Variants in SLC30A10 observed in about 807,000 individuals in gnomAD.
SLC30A10 encodes the protein calcium/manganese antiporter SLC30A10.
In SLC30A10, 8 loss-of-function variants were observed where a neutral mutation model predicts 21.7. The ratio of observed to expected loss-of-function variants is 0.37; its 90% CI spans 0.22 to 0.67. The LOEUF is 0.67. Ranked by LOEUF, SLC30A10 falls within the 30% of genes least tolerant of loss-of-function variation. The probability of loss-of-function intolerance (pLI) is 0.58; values close to 1 mark genes in which losing one functional copy is unlikely to be tolerated. For synonymous variants in SLC30A10, 272 were observed against 279.4 expected, an observed-to-expected ratio of 0.97 and a Z score of 0.26; for missense variants, 521 against 642.5, an observed-to-expected ratio of 0.81 and a Z score of 2.04.
chr1:219,936,567 A>G (rs1660048334), intron 1 of SLC30A10, among the ~76,000 whole-genome samples: 1 of 152,090 alleles, frequency 6.6e-6, no homozygotes, highest in African/African-American at 2.4e-5. Flanking sequence ...TGGGCACTTG[A>G]CCCAAGATGG....
At chr1:219,927,753 A>G in intron 1 of SLC30A10, 48 bp downstream of exon 1, 1 of 1,452,684 alleles carries the variant, frequency 6.9e-7, no homozygotes, top group South Asian at 1.4e-5. Flanking sequence ...ACCGGGTGGG[A>G]GGAGGAAGGA....
intron 1 of SLC30A10, among the ~76,000 whole-genome samples, chr1:219,935,405 G>A (rs1018466722): frequency 9.9e-5 from 15 of 152,212 alleles, no homozygotes; most frequent in Non-Finnish European, 2.1e-4. Context: ...GAAGGGGAGA[G>A]AGGGTCAAAA....
At chr1:219,952,782 T>A (rs1427127720) in intron 1 of SLC30A10, among the ~76,000 whole-genome samples, 1 of 152,224 alleles carries the variant, frequency 6.6e-6, no homozygotes, top group South Asian at 2.1e-4. Context: ...CATAGCAGCC[T>A]CTGCACATTG....
intron 1 of SLC30A10, among the ~76,000 whole-genome samples, chr1:219,954,915 A>G (rs776621431): frequency 6.6e-6 from 1 of 152,140 alleles, no homozygotes; most frequent in Non-Finnish European, 1.5e-5. Context: ...AGGCCACTGT[A>G]CAGCAAGGTT....
intron 3 of SLC30A10, among the ~76,000 whole-genome samples, chr1:219,917,527 C>T (rs995150528): frequency 1.3e-5 from 2 of 151,934 alleles, no homozygotes; most frequent in Admixed American, 6.6e-5. Flanking sequence ...CTTGCATGCC[C>T]GCATTAACTA....
chr1:219,922,195 T>G (rs1199437770), intron 2 of SLC30A10, among the ~76,000 whole-genome samples: 3,172 of 27,828 alleles, frequency 0.11, 426 homozygotes, highest in African/African-American at 0.26. Flanking sequence ...TTTTTTTTTT[T>G]TTTTTTTTTT....
rs1210514154 is a variant in SLC30A10, at chr1:219,915,029, T to A, written c.*420A>T. ...AGGGGATTGGGAAAAATACAGCTAT[T>A]GTGGTACTTTAGTTTTTTCAATGTA... On this transcript the variant is annotated 3_prime_UTR_variant, in exon 4 of 4. Transcript: ENST00000366926. 1 of 159,164 alleles carries A rather than the reference T, an allele frequency of 6.3e-6. No homozygotes were observed. Among genetic ancestry groups the A allele is most frequent in the Non-Finnish European group, 1.4e-5 (1 of 72,592 alleles). The allele number at this position is 159,164 out of a possible 1,614,324, so 9.9% of individuals were successfully genotyped here. A position where few individuals can be genotyped will look rare whatever the true frequency, so the allele number is the denominator to read the frequency against.
rs187925791 is a variant in SLC30A10, at chr1:219,912,008, C to A, written c.*3441G>T. Among the ~76,000 whole-genome samples, 2 of 152,034 alleles carry A rather than the reference C, an allele frequency of 1.3e-5. No homozygotes were observed. Among genetic ancestry groups the A allele is most frequent in the African/African-American group, 4.8e-5 (2 of 41,478 alleles). On this transcript the variant is annotated 3_prime_UTR_variant, in exon 4 of 4. Coordinates refer to ENST00000366926, the MANE Select transcript of SLC30A10 (RefSeq NM_018713.3). ...ATGTCAGTAATGCCAAGACTGAGAA[C>A]CCCTGGAGTAAGCCTCACAAAAGCT...
chr1:219,939,811 C>G (rs968223856), intron 1 of SLC30A10, among the ~76,000 whole-genome samples: 2 of 152,134 alleles, frequency 1.3e-5, no homozygotes, highest in African/African-American at 4.8e-5. Flanking sequence ...CCCAGAAGAG[C>G]CTCTTTAACC....
intron 1 of SLC30A10, among the ~76,000 whole-genome samples, chr1:219,939,510 C>T (rs544259522): frequency 6.6e-6 from 1 of 152,026 alleles, no homozygotes. Flanking sequence ...ATCGCTGCAA[C>T]CTCCACCCCC....
intron 1 of SLC30A10, among the ~76,000 whole-genome samples, chr1:219,938,086 A>G (rs1382414584): frequency 6.6e-6 from 1 of 151,814 alleles, no homozygotes; most frequent in African/African-American, 2.4e-5. Flanking sequence ...TTTTCTTTGT[A>G]GTATCTCTAT....
intron 1 of SLC30A10, among the ~76,000 whole-genome samples, chr1:219,958,407 C>CTG (rs1450113111): frequency 6.6e-6 from 1 of 152,096 alleles, no homozygotes; most frequent in African/African-American, 2.4e-5. Context: ...GAACCTCAAA[C>CTG]TAAAGGCAAC....
chr1:219,958,927 A>G (rs943952594), upstream of SLC30A10, among the ~76,000 whole-genome samples: 1 of 152,216 alleles, frequency 6.6e-6, no homozygotes, highest in Non-Finnish European at 1.5e-5. Flanking sequence ...GGAGTTGCCA[A>G]CGTAAGCGAT....
At chr1:219,926,715 G>A (rs1659834942) in intron 2 of SLC30A10, among the ~76,000 whole-genome samples, 1 of 152,030 alleles carries the variant, frequency 6.6e-6, no homozygotes, top group Non-Finnish European at 1.5e-5. Flanking sequence ...AATTAAAATG[G>A]GTTGCATGAT....
At position 219,911,747 on chromosome 1, in the gene SLC30A10, T is replaced by G. The variant is rs558587404; in HGVS notation, c.*3702A>C. On this transcript the variant is annotated 3_prime_UTR_variant, in exon 4 of 4. Transcript: ENST00000366926. ...GCAGAATTAATTATTAAAAAGACTATGGGACTTTGGAGAGGCTTTCATTAA... is the reference window on the plus strand; with the variant it reads ...GCAGAATTAATTATTAAAAAGACTAGGGGACTTTGGAGAGGCTTTCATTAA... Among the ~76,000 whole-genome samples, 3 of 152,180 alleles carry G rather than the reference T, an allele frequency of 2.0e-5. No homozygotes were observed. Among genetic ancestry groups the G allele is most frequent in the Non-Finnish European group, 2.9e-5 (2 of 68,048 alleles).
chr1:219,948,883 C>A (rs1224847341), intron 1 of SLC30A10, among the ~76,000 whole-genome samples: 1 of 152,140 alleles, frequency 6.6e-6, no homozygotes, highest in Non-Finnish European at 1.5e-5. Context: ...GGCTAATATC[C>A]AGAATCTACA....
chr1:219,917,538 G>C (rs951143888), intron 3 of SLC30A10, among the ~76,000 whole-genome samples: 1 of 152,102 alleles, frequency 6.6e-6, no homozygotes, highest in Admixed American at 6.5e-5. Context: ...GCATTAACTA[G>C]AAAGCAGGGT....
chr1:219,920,837 T>C (rs912966132), intron 2 of SLC30A10, among the ~76,000 whole-genome samples: 1 of 152,234 alleles, frequency 6.6e-6, no homozygotes, highest in East Asian at 1.9e-4. Context: ...AGCTGTTGTA[T>C]GTCTGAATTC....
chr1:219,928,847 A>G (rs1776026), upstream of SLC30A10, among the ~76,000 whole-genome samples: 1,520 of 152,240 alleles, frequency 1.0e-2, 23 homozygotes, highest in African/African-American at 0.033. The surrounding 1 kb of genome is among the most constrained non-coding windows in gnomAD (Gnocchi z 6.3). Context: ...GGTGGGATTC[A>G]CCCAGACACC....
Sources: allele counts gnomAD v4.1 joint callset (sites outside exome capture counted in the v4.1 genomes callset), GRCh38; gene constraint gnomAD v4.1.1; non-coding constraint Gnocchi (gnomAD v3.1); transcripts MANE v1.5; gene names NCBI Gene and HGNC (gene_info 2026-07-23, HGNC 2026-07-21).